CDH2: variants seen among roughly 807,000 people sequenced by gnomAD.
CDH2 encodes the protein cadherin-2.
In CDH2, 17 loss-of-function variants were observed where a neutral mutation model predicts 92.0. That is an observed-to-expected ratio of 0.18 (90% CI 0.13 to 0.28). CDH2 has a LOEUF of 0.28. Ranked by LOEUF, CDH2 falls within the 10% of genes least tolerant of loss-of-function variation. The probability of loss-of-function intolerance (pLI) is 1.00; values close to 1 mark genes in which losing one functional copy is unlikely to be tolerated. For synonymous variants in CDH2, 419 were observed against 415.9 expected (o/e 1.01, Z -0.09); for missense variants, 862 against 1,133.1 (o/e 0.76, Z 3.44).
intron 2 of CDH2, among the ~76,000 whole-genome samples, chr18:28,119,316 A>G (rs1465378658): frequency 1.3e-5 from 2 of 152,116 alleles, no homozygotes; most frequent in Admixed American, 1.3e-4. Flanking sequence ...CTGGCAAAGG[A>G]CCACCATATG....
At chr18:28,154,657 G>A (rs752164930) in intron 1 of CDH2, among the ~76,000 whole-genome samples, 2 of 152,164 alleles carry the variant, frequency 1.3e-5, no homozygotes, top group African/African-American at 2.4e-5. Context: ...TACTCTTTTC[G>A]GTTCCCGTTC....
chr18:27,962,798 A>G (rs1785615), intron 15 of CDH2, among the ~76,000 whole-genome samples: 48,267 of 152,022 alleles, frequency 0.32, 7,914 homozygotes, highest in East Asian at 0.45. Context: ...TATCTGTTAT[A>G]TGCAACAGAG....
rs537624514 is a variant in CDH2, at chr18:28,162,370, T to C, written c.61-14586A>G. Among the ~76,000 whole-genome samples, 74 of 152,158 alleles carry C rather than the reference T, an allele frequency of 4.9e-4. 4 individuals are homozygous for C. The highest frequency in any genetic ancestry group is 1.7e-3 in the African/African-American group (71 of 41,536). On this transcript the variant is annotated intron_variant, in intron 1 of 15. Coordinates refer to ENST00000269141, the MANE Select transcript of CDH2 (RefSeq NM_001792.5). Reference sequence around the variant, plus strand: ...ACAGAAAGCCACATGTGCCCTTAGATTGCTGGGTGAGTACAGAACTGGGCC... The same window carrying C: ...ACAGAAAGCCACATGTGCCCTTAGACTGCTGGGTGAGTACAGAACTGGGCC...
intron 2 of CDH2, among the ~76,000 whole-genome samples, chr18:28,094,984 A>G (rs969297867): frequency 6.6e-6 from 1 of 152,158 alleles, no homozygotes; most frequent in East Asian, 1.9e-4. Context: ...ATGTTATAAC[A>G]TATGTTTTCC....
intron 2 of CDH2, among the ~76,000 whole-genome samples, chr18:28,037,116 T>G (rs2013848361): frequency 6.6e-6 from 1 of 152,208 alleles, no homozygotes; most frequent in African/African-American, 2.4e-5. Context: ...GTTGGTTTCA[T>G]ATCCTAAATT....
chr18:28,033,204 G>C (rs1431235981), intron 2 of CDH2, among the ~76,000 whole-genome samples: 1 of 152,068 alleles, frequency 6.6e-6, no homozygotes, highest in Non-Finnish European at 1.5e-5. Flanking sequence ...TAGAGAAAGG[G>C]TGGTGTCTGG....
At chr18:27,975,833 T>C (rs564673264) in intron 14 of CDH2, among the ~76,000 whole-genome samples, 1 of 152,122 alleles carries the variant, frequency 6.6e-6, no homozygotes, top group South Asian at 2.1e-4. Context: ...AGAATTTTAT[T>C]GAGCAATGAA....
intron 1 of CDH2, among the ~76,000 whole-genome samples, chr18:28,172,107 G>A (rs1272486349): frequency 6.6e-6 from 1 of 152,026 alleles, no homozygotes; most frequent in Non-Finnish European, 1.5e-5. Flanking sequence ...GTGTGTGCGT[G>A]TGTGTATGCA....
chr18:28,045,400 G>GA (rs1347515422), intron 2 of CDH2: 1 of 467,618 alleles, frequency 2.1e-6, no homozygotes. Flanking sequence ...GATTAGAAAA[G>GA]AAAGACCTAC....
intron 2 of CDH2, among the ~76,000 whole-genome samples, chr18:28,080,082 T>C (rs1446148803): frequency 6.6e-6 from 1 of 152,114 alleles, no homozygotes; most frequent in Non-Finnish European, 1.5e-5. Context: ...AGTGCTGATA[T>C]TCAAAAGAGA....
chr18:28,008,577 A>T (rs1232508154), intron 5 of CDH2, among the ~76,000 whole-genome samples: 1 of 152,044 alleles, frequency 6.6e-6, no homozygotes, highest in Non-Finnish European at 1.5e-5. Context: ...GGAGAACATC[A>T]CACACTGGGG....
intron 1 of CDH2, among the ~76,000 whole-genome samples, chr18:28,155,632 G>A (rs961571785): frequency 1.1e-4 from 16 of 152,118 alleles, no homozygotes; most frequent in African/African-American, 3.1e-4. Flanking sequence ...TTTATTATGC[G>A]GTTATGTCTT....
At chr18:28,074,846 C>T (rs1212969904) in intron 2 of CDH2, among the ~76,000 whole-genome samples, 2 of 151,324 alleles carry the variant, frequency 1.3e-5, no homozygotes, top group Non-Finnish European at 2.9e-5. Context: ...AATTGAGAAA[C>T]TTGTGAAGTA....
chr18:27,964,699 A>G (rs2011494125), intron 14 of CDH2, among the ~76,000 whole-genome samples: 1 of 152,198 alleles, frequency 6.6e-6, no homozygotes, highest in African/African-American at 2.4e-5. Context: ...CTCTTAGTAC[A>G]TGTGATACTA....
intron 1 of CDH2, among the ~76,000 whole-genome samples, chr18:28,150,280 G>A (rs2016100849): frequency 6.6e-6 from 1 of 152,206 alleles, no homozygotes; most frequent in Non-Finnish European, 1.5e-5. Context: ...CGGAGCAGAC[G>A]GGGGTCACGT....
chr18:27,942,530 C>T (rs1909164391), intron 6 of CDH2, among the ~76,000 whole-genome samples: 1 of 152,108 alleles, frequency 6.6e-6, no homozygotes, highest in Non-Finnish European at 1.5e-5. Context: ...TACCTCTGGC[C>T]ATGTTTAATT....
chr18:27,934,949 T>C (rs1908983443), intron 6 of CDH2, among the ~76,000 whole-genome samples: 1 of 152,214 alleles, frequency 6.6e-6, no homozygotes, highest in Admixed American at 6.5e-5. Flanking sequence ...CTGAGTATGA[T>C]CTGAAACTGC....
chr18:27,995,062 C>G (rs1338007671), intron 7 of CDH2, among the ~76,000 whole-genome samples: 1 of 152,048 alleles, frequency 6.6e-6, no homozygotes, highest in East Asian at 1.9e-4. Context: ...CCTGTAATCT[C>G]AGCACTTTGG....
chr18:28,006,033 T>C (rs770917279), intron 5 of CDH2, 40 bp from the exon 6 acceptor site: 3 of 1,515,504 alleles, frequency 2.0e-6, no homozygotes, highest in Non-Finnish European at 2.7e-6. Flanking sequence ...AACAGATTTA[T>C]GTCTGTGAGA....
Sources: allele counts gnomAD v4.1 joint callset (sites outside exome capture counted in the v4.1 genomes callset), GRCh38; gene constraint gnomAD v4.1.1; transcripts MANE v1.5; gene names NCBI Gene and HGNC (gene_info 2026-07-23, HGNC 2026-07-21).